The following CCDC7 variants were observed in gnomAD, a reference collection of about 807,000 sequenced individuals.
CCDC7 encodes coiled-coil domain-containing protein 7.
In CCDC7, 183 loss-of-function variants were observed where a neutral mutation model predicts 196.9. The observed-to-expected ratio is 0.93, with a 90% CI of 0.82 to 1.05. CCDC7 has a LOEUF of 1.05. Among genes scored for constraint, CCDC7 ranks in the 50% least tolerant of loss-of-function variants. The pLI, the probability that CCDC7 is intolerant of heterozygous loss-of-function variation, is 0.00. For synonymous variants in CCDC7, 525 were observed against 484.6 expected (o/e 1.08, Z -1.10); for missense variants, 1,540 against 1,482.2 (o/e 1.04, Z -0.64).
At chr10:32,676,094 A>G (rs1253826226) in intron 21 of CCDC7, among the ~76,000 whole-genome samples, 3 of 150,378 alleles carry the variant, frequency 2.0e-5, no homozygotes, top group Admixed American at 6.7e-5. Flanking sequence ...ATCTACAACT[A>G]CCTGATCTTT....
chr10:32,762,074 T>C (rs922293025), intron 28 of CCDC7, among the ~76,000 whole-genome samples: 2 of 151,802 alleles, frequency 1.3e-5, no homozygotes, highest in African/African-American at 4.8e-5. Context: ...ACAAACTGCA[T>C]CCTAAGCACA....
chr10:32,494,814 G>T (rs948120245), intron 9 of CCDC7, among the ~76,000 whole-genome samples: 1 of 152,158 alleles, frequency 6.6e-6, no homozygotes, highest in Non-Finnish European at 1.5e-5. Context: ...ACTTGGGTTG[G>T]TTCCAAGTCT....
intron 24 of CCDC7, among the ~76,000 whole-genome samples, chr10:32,701,793 G>C (rs889342562): frequency 1.7e-4 from 26 of 152,248 alleles, no homozygotes; most frequent in African/African-American, 6.3e-4. Context: ...AGATTTTCTA[G>C]TTTATTTGCA....
chr10:32,607,470 A>G (rs1243181905), intron 18 of CCDC7, among the ~76,000 whole-genome samples: 3 of 152,144 alleles, frequency 2.0e-5, no homozygotes, highest in African/African-American at 7.2e-5. Flanking sequence ...TGGGTTTGTC[A>G]TATGTAGCAT....
chr10:32,526,949 C>T (rs899327354), intron 11 of CCDC7, among the ~76,000 whole-genome samples: 1 of 152,160 alleles, frequency 6.6e-6, no homozygotes, highest in Admixed American at 6.5e-5. Context: ...AGTTTACTGG[C>T]TTTAAGCCCA....
chr10:32,537,322 T>C (rs2050678488), intron 11 of CCDC7, among the ~76,000 whole-genome samples: 2 of 152,316 alleles, frequency 1.3e-5, no homozygotes, highest in East Asian at 3.9e-4. Flanking sequence ...TCCATTCATG[T>C]CCTTTGTCCC....
intron 23 of CCDC7, among the ~76,000 whole-genome samples, 154 bp downstream of exon 24, chr10:32,689,317 G>A (rs1285573072): frequency 1.3e-5 from 2 of 152,158 alleles, no homozygotes; most frequent in Non-Finnish European, 2.9e-5. Context: ...GATACATTTT[G>A]GTTGAGAGAT....
rs545357507 is a variant in CCDC7, at chr10:32,869,589, T to C, written c.4112-6758T>C. 8.0e-3 allele frequency among the ~76,000 whole-genome samples: 1,219 copies of C among 152,314 alleles called. 8 individuals are homozygous for C. The highest frequency in any genetic ancestry group is 0.013 in the Non-Finnish European group (860 of 68,034). ...TTTAATCGGATCCTATTTGTCAATT[T>C]TGGCTTTTGTTGCCATTGCTTTTGG... On this transcript the variant is annotated intron_variant, in intron 41 of 41. Coordinates refer to ENST00000639629, the Ensembl canonical transcript of CCDC7.
At chr10:32,514,897 T>A (rs904031095) in intron 9 of CCDC7, among the ~76,000 whole-genome samples, 6 of 152,194 alleles carry the variant, frequency 3.9e-5, no homozygotes, top group African/African-American at 1.4e-4. Flanking sequence ...TAATCATAGC[T>A]CACTTCAGCT....
intron 41 of CCDC7, among the ~76,000 whole-genome samples, chr10:32,858,429 A>G (rs915746376): frequency 2.0e-5 from 3 of 152,164 alleles, no homozygotes; most frequent in African/African-American, 7.2e-5. Context: ...AACAACAACA[A>G]TTAAACATTA....
At chr10:32,572,743 A>G (rs933102993) in intron 16 of CCDC7, among the ~76,000 whole-genome samples, 2 of 152,018 alleles carry the variant, frequency 1.3e-5, no homozygotes, top group Non-Finnish European at 2.9e-5. Context: ...TATTTTAAAT[A>G]TGTATAGTCA....
At chr10:32,715,890 T>C (rs1227563723) in intron 25 of CCDC7, among the ~76,000 whole-genome samples, 1 of 152,158 alleles carries the variant, frequency 6.6e-6, no homozygotes, top group Non-Finnish European at 1.5e-5. Flanking sequence ...CTCTAAGATA[T>C]ATGGGACTAT....
intron 13 of CCDC7, 22 bp from the exon 15 acceptor site, chr10:32,565,536 T>A: frequency 6.2e-7 from 1 of 1,603,478 alleles, no homozygotes; most frequent in Non-Finnish European, 8.5e-7. Context: ...AAATACCTTT[T>A]TTCCCCCTTC....
At chr10:32,601,754 T>G (rs535568089) in intron 18 of CCDC7, among the ~76,000 whole-genome samples, 1 of 151,964 alleles carries the variant, frequency 6.6e-6, no homozygotes, top group Admixed American at 6.5e-5. Context: ...AACACACCAA[T>G]CAACACTCTG....
chr10:32,505,168 T>TTTTA (rs151121071), intron 9 of CCDC7, among the ~76,000 whole-genome samples: 22,717 of 150,848 alleles, frequency 0.15, 1,830 homozygotes, highest in East Asian at 0.24. Context: ...CCCAGCTAAT[T>TTTTA]TTTATTTATT....
chr10:32,497,880 G>T (rs987286358), intron 9 of CCDC7, among the ~76,000 whole-genome samples: 1 of 152,196 alleles, frequency 6.6e-6, no homozygotes, highest in Non-Finnish European at 1.5e-5. Flanking sequence ...TTGATTTGTT[G>T]TGGAAAGTTC....
chr10:32,564,935 C>T (rs866660664), intron 13 of CCDC7, among the ~76,000 whole-genome samples: 5 of 152,176 alleles, frequency 3.3e-5, no homozygotes, highest in East Asian at 1.9e-4. Flanking sequence ...TAGGAACCCA[C>T]TGCTGCACTC....
At chr10:32,810,117 CAA>C (rs1002584383) in intron 30 of CCDC7, among the ~76,000 whole-genome samples, 1 of 151,784 alleles carries the variant, frequency 6.6e-6, no homozygotes, top group Non-Finnish European at 1.5e-5. Context: ...ATAAACAACA[CAA>C]GAGAAAGAAA....
intron 16 of CCDC7, among the ~76,000 whole-genome samples, chr10:32,581,797 C>G (rs2058752152): frequency 6.6e-6 from 1 of 151,970 alleles, no homozygotes; most frequent in Admixed American, 6.6e-5. Flanking sequence ...CCCTAATAAC[C>G]ATTTCAGAAT....
Sources: gnomAD v4.1 joint callset for allele counts (sites outside exome capture counted in the v4.1 genomes callset) on GRCh38, gnomAD v4.1.1 for gene constraint, MANE v1.5 for transcripts, NCBI Gene and HGNC (gene_info 2026-07-23, HGNC 2026-07-21) for gene names.